Variants in FSTL4 observed in about 807,000 individuals in gnomAD.
The protein encoded by FSTL4 is follistatin-related protein 4.
FSTL4 carries 28 observed loss-of-function variants against 78.2 expected under a neutral mutation model. The observed-to-expected ratio is 0.36, with a 90% CI of 0.27 to 0.49. FSTL4 has a LOEUF of 0.49. FSTL4 is among the 20% of genes least tolerant of loss of function. The probability of loss-of-function intolerance (pLI) is 0.98; values close to 1 mark genes in which losing one functional copy is unlikely to be tolerated. For synonymous variants in FSTL4, 422 were observed against 440.5 expected, an observed-to-expected ratio of 0.96 and a Z score of 0.53; for missense variants, 922 against 1,084.9, an observed-to-expected ratio of 0.85 and a Z score of 2.11.
At chr5:133,263,720 G>A (rs1752584729) in intron 6 of FSTL4, among the ~76,000 whole-genome samples, 1 of 152,214 alleles carries the variant, frequency 6.6e-6, no homozygotes, top group Admixed American at 6.5e-5. Flanking sequence ...GAAGGTCAAG[G>A]ATATTGGCTT....
intron 6 of FSTL4, among the ~76,000 whole-genome samples, chr5:133,275,508 C>G (rs952522983): frequency 2.0e-5 from 3 of 150,936 alleles, no homozygotes; most frequent in Non-Finnish European, 2.9e-5. Context: ...TCCAGGGTGC[C>G]GAGATCGTGC....
intron 3 of FSTL4, among the ~76,000 whole-genome samples, chr5:133,484,522 A>G (rs1758093390): frequency 6.6e-6 from 1 of 152,182 alleles, no homozygotes; most frequent in Non-Finnish European, 1.5e-5. Flanking sequence ...TGTCAAAGAG[A>G]AATATGCTAT....
chr5:133,235,415 C>T (rs899486362), intron 7 of FSTL4, among the ~76,000 whole-genome samples: 2 of 148,388 alleles, frequency 1.3e-5, no homozygotes, highest in African/African-American at 5.0e-5. Context: ...AGGAGAATTG[C>T]TTGAACCTGG....
intron 4 of FSTL4, among the ~76,000 whole-genome samples, chr5:133,376,547 A>G (rs942737017): frequency 5.9e-5 from 9 of 152,202 alleles, no homozygotes; most frequent in African/African-American, 2.2e-4. Flanking sequence ...GATTTTAAAA[A>G]AAACACACAC....
In FSTL4 at chr5:133,316,468, T is replaced by G; in HGVS notation, c.594A>C (p.Glu198Asp). Residue 198 changes from glutamate to aspartate, a missense_variant, in exon 5 of 16, where the codon GAA becomes GAC. Glu to Asp is a conservative substitution (Grantham distance 45). Coordinates refer to ENST00000265342, the MANE Select transcript of FSTL4 (RefSeq NM_015082.2). ...ADGNGHLSSSELAQHVLKKQD... is the reference protein window; with the variant it reads ...ADGNGHLSSSDLAQHVLKKQD... ...TGAACACGATGCCCACCTGAGCCAG[T>G]TCGGAGCTGCTGAGGTGGCCATTGC... 1 of 1,613,654 alleles carries G rather than the reference T, an allele frequency of 6.2e-7. No individual in the cohort carries two copies. The highest frequency in any genetic ancestry group is 2.2e-5 in the East Asian group (1 of 44,872).
chr5:133,492,163 T>C (rs1580743597), intron 3 of FSTL4, among the ~76,000 whole-genome samples: 1 of 152,310 alleles, frequency 6.6e-6, no homozygotes, highest in East Asian at 1.9e-4. Context: ...CCTAGTATCT[T>C]CTCAAATAAC....
At chr5:133,732,918 T>C in the FSTL4 span, among the ~76,000 whole-genome samples, 3 of 152,344 alleles carry the variant, frequency 2.0e-5, no homozygotes, top group East Asian at 5.8e-4. Flanking sequence ...CTTCTCACTG[T>C]GTGTCACTGG....
the FSTL4 span, among the ~76,000 whole-genome samples, chr5:133,767,286 G>A: frequency 1.8e-3 from 276 of 152,168 alleles, no homozygotes; most frequent in African/African-American, 6.2e-3. Flanking sequence ...GGGTGAGGGG[G>A]GCATCGATTC....
the FSTL4 span, among the ~76,000 whole-genome samples, chr5:133,782,558 C>G: frequency 2.6e-5 from 4 of 152,350 alleles, no homozygotes; most frequent in East Asian, 7.7e-4. Flanking sequence ...AGAGTGCTTC[C>G]CTGTGATCTT....
the FSTL4 span, among the ~76,000 whole-genome samples, chr5:133,677,105 T>C: frequency 3.3e-5 from 5 of 152,258 alleles, no homozygotes; most frequent in East Asian, 9.6e-4. Flanking sequence ...AGATAGTGCT[T>C]GTAAAACTGA....
chr5:133,443,055 T>C (rs1280061825), intron 3 of FSTL4, among the ~76,000 whole-genome samples: 1 of 152,250 alleles, frequency 6.6e-6, no homozygotes, highest in Non-Finnish European at 1.5e-5. Flanking sequence ...AGAAATATCA[T>C]TCTTGTTCCA....
At chr5:133,833,472 TCTC>T in the FSTL4 span, among the ~76,000 whole-genome samples, 1 of 152,346 alleles carries the variant, frequency 6.6e-6, no homozygotes, top group East Asian at 1.9e-4. Context: ...CTTGACAACA[TCTC>T]CTACATCTAT....
At chr5:133,616,828 G>A (rs1231140348), upstream of FSTL4, among the ~76,000 whole-genome samples, 1 of 152,166 alleles carries the variant, frequency 6.6e-6, no homozygotes, top group Admixed American at 6.5e-5. Flanking sequence ...GGACTTAGTT[G>A]ATAGGCCACC....
At chr5:133,221,218 G>A (rs1366114894) in intron 11 of FSTL4, among the ~76,000 whole-genome samples, 6 of 152,150 alleles carry the variant, frequency 3.9e-5, no homozygotes, top group Non-Finnish European at 5.9e-5. Context: ...TAATATACTA[G>A]TCACATCAGG....
Position 133,448,739 on chromosome 5 carries a change from C to CGG in FSTL4, c.161-47755_161-47754dup, listed in dbSNP as rs1187966204. ...TTCAGAATCCCCAGGGGTGCGGGGG[C>CGG]GGGGGGGGGGGGCGCTCAGAATTTT... On this transcript the variant is annotated intron_variant, in intron 3 of 15. Transcript: ENST00000265342. 4.9e-3 allele frequency among the ~76,000 whole-genome samples: 95 copies of CGG among 19,434 alleles called. 3 individuals carry two copies. In the South Asian group the frequency reaches 0.051, roughly 10 times the overall value. The allele number at this position is 19,434 out of a possible 152,430, so 12.7% of individuals were successfully genotyped here.
intron 7 of FSTL4, chr5:133,246,481 C>A (rs1197663036): frequency 6.6e-6 from 1 of 152,268 alleles, no homozygotes; most frequent in Non-Finnish European, 1.5e-5. Context: ...CCTTGGTACA[C>A]TTCAGCCTGA....
chr5:133,668,176 G>A, the FSTL4 span, among the ~76,000 whole-genome samples: 3 of 152,182 alleles, frequency 2.0e-5, no homozygotes, highest in Non-Finnish European at 2.9e-5. Flanking sequence ...TCGCTGCACA[G>A]GGTCAGTCAC....
the FSTL4 span, among the ~76,000 whole-genome samples, chr5:133,696,151 G>T: frequency 1.3e-5 from 2 of 152,228 alleles, no homozygotes; most frequent in Non-Finnish European, 2.9e-5. Context: ...GTAGAAGCCT[G>T]CAGGGAGAAC....
intron 3 of FSTL4, among the ~76,000 whole-genome samples, chr5:133,460,345 G>A (rs546266899): frequency 6.6e-6 from 1 of 152,096 alleles, no homozygotes; most frequent in Non-Finnish European, 1.5e-5. Flanking sequence ...GGATGACAGC[G>A]CCACCTAGTG....
Sources: gnomAD v4.1 joint callset for allele counts (sites outside exome capture counted in the v4.1 genomes callset) on GRCh38, gnomAD v4.1.1 for gene constraint, MANE v1.5 for transcripts, NCBI Gene and HGNC (gene_info 2026-07-23, HGNC 2026-07-21) for gene names.